Variants in SCD5 observed in about 807,000 individuals in gnomAD.
SCD5 encodes acyl-CoA-desaturase 4.
In SCD5, 20 loss-of-function variants were observed where a neutral mutation model predicts 30.4. The observed-to-expected ratio is 0.66, with a 90% CI of 0.46 to 0.96. The LOEUF (loss-of-function observed/expected upper bound fraction) is 0.96. Among genes scored for constraint, SCD5 ranks in the 40% least tolerant of loss-of-function variants. The pLI is 0.00. For missense variants in SCD5, 381 were observed against 443.3 expected (o/e 0.86, Z 1.26); for synonymous variants, 173 against 176.4 (o/e 0.98, Z 0.16).
Position 82,790,385 on chromosome 4 carries a change from G to A in SCD5, c.232+7921C>T, listed in dbSNP as rs150318478. On this transcript the variant is annotated intron_variant, in intron 1 of 4. Transcript: ENST00000319540. ...CAGCACGTCTCCCTCTCCACGTTAT[G>A]TTCCTCTCTCTCCACTCTACTCACC... Among the ~76,000 whole-genome samples, 669 of 152,294 alleles carry A rather than the reference G, an allele frequency of 4.4e-3. 2 individuals are homozygous for A. The highest frequency in any genetic ancestry group is 0.015 in the African/African-American group (631 of 41,566).
At chr4:82,738,822 G>A (rs982247075) in intron 1 of SCD5, among the ~76,000 whole-genome samples, 1 of 152,176 alleles carries the variant, frequency 6.6e-6, no homozygotes, top group Non-Finnish European at 1.5e-5. Flanking sequence ...CTTAGGATAC[G>A]CTGTGACCCT....
At chr4:82,766,396 C>T (rs1384656439) in intron 1 of SCD5, among the ~76,000 whole-genome samples, 1 of 152,148 alleles carries the variant, frequency 6.6e-6, no homozygotes. Flanking sequence ...GTATTTTCAT[C>T]TCAGATATTG....
chr4:82,771,928 G>A (rs923449112), intron 1 of SCD5, among the ~76,000 whole-genome samples: 1 of 152,214 alleles, frequency 6.6e-6, no homozygotes, highest in African/African-American at 2.4e-5. Context: ...CCACACTCAT[G>A]ATCAAAAGCA....
chr4:82,764,706 T>C (rs368843514), intron 1 of SCD5, among the ~76,000 whole-genome samples: 25 of 151,460 alleles, frequency 1.7e-4, no homozygotes, highest in African/African-American at 5.6e-4. Flanking sequence ...TTAAACACGA[T>C]CTTTTAAATA....
intron 1 of SCD5, among the ~76,000 whole-genome samples, chr4:82,715,412 T>G (rs926123082): frequency 6.6e-6 from 1 of 151,510 alleles, no homozygotes; most frequent in Non-Finnish European, 1.5e-5. Context: ...CGGCCTGTGC[T>G]GAACCGATGG....
chr4:82,670,714 A>G (rs759276769), intron 3 of SCD5, among the ~76,000 whole-genome samples: 1 of 152,014 alleles, frequency 6.6e-6, no homozygotes, highest in South Asian at 2.1e-4. Context: ...TATCAATTCC[A>G]TATCAATTGA....
At chr4:82,641,760 C>A (rs1727552147) in intron 3 of SCD5, among the ~76,000 whole-genome samples, 1 of 152,088 alleles carries the variant, frequency 6.6e-6, no homozygotes, top group South Asian at 2.1e-4. Context: ...GTGGCCTGAA[C>A]CTGGATAGTC....
intron 1 of SCD5, among the ~76,000 whole-genome samples, chr4:82,762,822 A>G (rs1187183191): frequency 2.0e-5 from 3 of 152,228 alleles, no homozygotes; most frequent in African/African-American, 7.2e-5. Flanking sequence ...AAAAGGATAT[A>G]TCTGAGAGGC....
chr4:82,762,863 A>T (rs1379185374), intron 1 of SCD5, among the ~76,000 whole-genome samples: 1 of 152,244 alleles, frequency 6.6e-6, no homozygotes, highest in Non-Finnish European at 1.5e-5. Flanking sequence ...TTCAACAAAG[A>T]CAGTAGAAGC....
intron 3 of SCD5, among the ~76,000 whole-genome samples, chr4:82,668,291 T>G (rs1728234888): frequency 6.6e-6 from 1 of 151,268 alleles, no homozygotes; most frequent in East Asian, 1.9e-4. Flanking sequence ...AACAGATCAG[T>G]GGGACGGAGA....
intron 2 of SCD5, chr4:82,698,227 C>G (rs577424398): frequency 9.3e-6 from 4 of 428,636 alleles, no homozygotes; most frequent in Middle Eastern, 6.3e-4. Flanking sequence ...AACAGGATTT[C>G]TGAAGGGAGA....
intron 3 of SCD5, among the ~76,000 whole-genome samples, chr4:82,665,265 AAGAG>A (rs1490992910): frequency 6.7e-6 from 1 of 149,122 alleles, no homozygotes; most frequent in African/African-American, 2.5e-5. Context: ...TCCAAAGAAA[AAGAG>A]AAACAGGTTA....
intron 3 of SCD5, among the ~76,000 whole-genome samples, chr4:82,662,715 C>G (rs928058367): frequency 2.0e-5 from 3 of 151,832 alleles, no homozygotes; most frequent in Non-Finnish European, 4.4e-5. Flanking sequence ...CAAAAATTAG[C>G]TGGGCATGGT....
intron 2 of SCD5, among the ~76,000 whole-genome samples, chr4:82,691,289 G>C (rs1728830536): frequency 6.6e-6 from 1 of 152,202 alleles, no homozygotes. Flanking sequence ...GCTTCCCCAA[G>C]TGTTGGGATT....
intron 2 of SCD5, among the ~76,000 whole-genome samples, chr4:82,691,246 C>A (rs904158307): frequency 2.0e-5 from 3 of 152,076 alleles, no homozygotes; most frequent in Non-Finnish European, 4.4e-5. Context: ...GGCTGGTCTC[C>A]AACTCCTGAC....
intron 3 of SCD5, among the ~76,000 whole-genome samples, chr4:82,666,885 C>G (rs1183974234): frequency 6.6e-6 from 1 of 151,886 alleles, no homozygotes; most frequent in African/African-American, 2.4e-5. Context: ...ACAGAGTTAT[C>G]GAAAGGATAA....
At chr4:82,719,253 C>T (rs1720303472) in intron 1 of SCD5, among the ~76,000 whole-genome samples, 1 of 151,698 alleles carries the variant, frequency 6.6e-6, no homozygotes, top group Non-Finnish European at 1.5e-5. Flanking sequence ...GACAGCTCCA[C>T]ATGACACCCC....
chr4:82,795,736 T>C (rs1341639929), intron 1 of SCD5, among the ~76,000 whole-genome samples: 1 of 139,050 alleles, frequency 7.2e-6, no homozygotes, highest in Non-Finnish European at 1.5e-5. Context: ...GTGGGAGCAT[T>C]GCTTGAGCCC....
At chr4:82,747,015 A>T (rs56986435) in intron 1 of SCD5, among the ~76,000 whole-genome samples, 5,716 of 146,250 alleles carry the variant, frequency 0.039, 365 homozygotes, top group African/African-American at 0.14. Flanking sequence ...GGAATGACAC[A>T]GGCACCAAGG....
Sources: gnomAD v4.1 joint callset for allele counts (sites outside exome capture counted in the v4.1 genomes callset) on GRCh38, gnomAD v4.1.1 for gene constraint, MANE v1.5 for transcripts, NCBI Gene and HGNC (gene_info 2026-07-23, HGNC 2026-07-21) for gene names.